Variants in TUT7 observed in about 807,000 individuals in gnomAD.
TUT7 encodes the protein terminal uridylyl transferase 7.
In TUT7, 33 loss-of-function variants were observed where a neutral mutation model predicts 165.9. That is an observed-to-expected ratio of 0.20 (90% CI 0.15 to 0.27). The LOEUF is 0.27. Among genes scored for constraint, TUT7 ranks in the 10% least tolerant of loss-of-function variants. TUT7 has a pLI of 1.00. For missense variants in TUT7, 1,338 were observed against 1,762.3 expected (o/e 0.76, Z 4.31); for synonymous variants, 552 against 608.1 (o/e 0.91, Z 1.36).
chr9:86,297,663 A>G (rs974605420), intron 26 of TUT7, among the ~76,000 whole-genome samples: 2 of 152,122 alleles, frequency 1.3e-5, no homozygotes, highest in African/African-American at 4.8e-5. Context: ...CCACATCTCT[A>G]CAAATCGGGA....
chr9:86,325,386 T>C lies in TUT7; in HGVS notation c.1737A>G (p.Glu579=). Residue 579 remains glutamate (E), a synonymous_variant, in exon 12 of 27, where the codon GAA becomes GAG. Coordinates refer to ENST00000375963, the MANE Select transcript of TUT7 (RefSeq NM_024617.4). ...ADLVISIRVK[E]LVSRELKDWP... is the part of the protein sequence containing the mutation. ...AATCCTTCAATTCCCGAGATACCAA[T>C]TCTTTGACACGAATACTTATCACTA... 2 of 1,614,144 alleles carry C rather than the reference T, an allele frequency of 1.2e-6. No homozygotes were observed. The highest frequency in any genetic ancestry group is 1.7e-6 in the Non-Finnish European group (2 of 1,179,994).
intron 2 of TUT7, among the ~76,000 whole-genome samples, chr9:86,349,963 TAA>T (rs370320833): frequency 4.7e-4 from 72 of 152,308 alleles, no homozygotes; most frequent in African/African-American, 1.7e-3. Context: ...AGAAAACATA[TAA>T]AAGTTTTTGT....
chr9:86,341,280 C>T (rs1447354255), intron 6 of TUT7, among the ~76,000 whole-genome samples: 1 of 152,194 alleles, frequency 6.6e-6, no homozygotes, highest in African/African-American at 2.4e-5. Context: ...CAACTAACTT[C>T]TGATTTAACT....
intron 26 of TUT7, among the ~76,000 whole-genome samples, chr9:86,300,089 C>A (rs1218064986): frequency 6.6e-6 from 1 of 152,098 alleles, no homozygotes; most frequent in African/African-American, 2.4e-5. Context: ...CCTCTTAAAA[C>A]AACAAAAGAA....
intron 12 of TUT7, among the ~76,000 whole-genome samples, chr9:86,324,936 T>C (rs1210733110): frequency 1.3e-5 from 2 of 152,188 alleles, no homozygotes; most frequent in Non-Finnish European, 2.9e-5. Flanking sequence ...GAAAAAGTAT[T>C]GTCCTCACCT....
At chr9:86,326,700 GC>G (rs1829827335) in intron 11 of TUT7, among the ~76,000 whole-genome samples, 1 of 152,152 alleles carries the variant, frequency 6.6e-6, no homozygotes, top group Non-Finnish European at 1.5e-5. Flanking sequence ...AGGAACTGAA[GC>G]CCCACGAGTG....
rs1207412630 is a variant in TUT7, at chr9:86,288,342, A to G, written c.*335T>C. On this transcript the variant is annotated 3_prime_UTR_variant, in exon 27 of 27. Coordinates refer to ENST00000375963, the MANE Select transcript of TUT7 (RefSeq NM_024617.4). ...TAATTTACTTGGGGTTTATCAGCACACCATTTTTAATGTGCTTTGAAAGAA... is the reference window on the plus strand; with the variant it reads ...TAATTTACTTGGGGTTTATCAGCACGCCATTTTTAATGTGCTTTGAAAGAA... 1.2e-5 allele frequency: 2 copies of G among 165,372 alleles called. No homozygotes were observed. The highest frequency in any genetic ancestry group is 2.6e-5 in the Non-Finnish European group (2 of 76,938). 10.2% of individuals were successfully genotyped at this position (165,372 alleles called of 1,614,324 possible).
At chr9:86,305,647 T>C (rs370170976) in intron 22 of TUT7, among the ~76,000 whole-genome samples, 8 of 152,356 alleles carry the variant, frequency 5.3e-5, no homozygotes, top group African/African-American at 1.9e-4. Context: ...ATAGAAGTTA[T>C]AAATACATTT....
chr9:86,328,263 AAGAAGACAAGAC>A (rs760664522), intron 11 of TUT7, 65 bp downstream of exon 11: 19 of 1,364,344 alleles, frequency 1.4e-5, no homozygotes, highest in Non-Finnish European at 1.7e-5. Flanking sequence ...TAGTTAAGGA[AAGAAGACAAGAC>A]TGACTAATCC....
At position 86,314,664 on chromosome 9, in the gene TUT7, C is replaced by T. The variant is rs529753617; in HGVS notation, c.3274+2555G>A. On this transcript the variant is annotated intron_variant, in intron 17 of 26. Transcript: ENST00000375963. The stretch of plus-strand genomic sequence containing the variant: ...CACCAGTGGCACCCTGGCTGAGGTC[C>T]TGCTGCCCTGTTGTCTACATTATAC... 2.6e-5 allele frequency among the ~76,000 whole-genome samples: 4 copies of T among 152,306 alleles called. No individual in the cohort carries two copies. In the South Asian group the frequency reaches 6.2e-4, roughly 24 times the overall value.
Position 86,346,153 on chromosome 9 carries a change from C to A in TUT7, c.702+146G>T, listed in dbSNP as rs925166438. 13 of 697,674 alleles carry A rather than the reference C, an allele frequency of 1.9e-5. No homozygotes were observed. The African/African-American group carries it at 2.2e-4, about 12-fold the overall frequency. The allele number at this position is 697,674 out of a possible 1,614,324, so 43.2% of individuals were successfully genotyped here. On this transcript the variant is annotated intron_variant, in intron 3 of 26. Transcript: ENST00000375963. The stretch of plus-strand genomic sequence containing the variant: ...TGACTCCTAATCCTATTAAATCACA[C>A]TGGACATCACTTTTAACTTGTAGTG...
intron 24 of TUT7, 73 bp from the exon 25 acceptor site, chr9:86,303,274 AAC>A: frequency 1.5e-6 from 1 of 658,538 alleles, no homozygotes; most frequent in Middle Eastern, 2.6e-4. Context: ...CCAGATATTA[AAC>A]AGTTATCTTA....
At chr9:86,293,287 A>C (rs1398152532) in intron 26 of TUT7, among the ~76,000 whole-genome samples, 1 of 152,086 alleles carries the variant, frequency 6.6e-6, no homozygotes, top group African/African-American at 2.4e-5. Context: ...CTGTCTCTAC[A>C]AAAAAATTTT....
intron 11 of TUT7, 136 bp downstream of exon 11, chr9:86,328,204 C>T (rs972099735): frequency 1.8e-5 from 13 of 733,332 alleles, no homozygotes; most frequent in South Asian, 4.5e-5. Context: ...CTTGTCTGTT[C>T]GAGGTACTAA....
chr9:86,323,489 T>G lies in TUT7; in HGVS notation c.2261A>C (p.Lys754Thr). 6.2e-7 allele frequency: 1 copy of G among 1,614,244 alleles called. No homozygotes were observed. The highest frequency in any genetic ancestry group is 1.1e-5 in the South Asian group (1 of 91,084). ...PETGRKNEKE[K>T]VGRKGKHLLT... ...CAGATGCTTGCCCTTCCTTCCAACT[T>G]TCTCTTTCTCGTTTTTCCTTCCTGT... is the stretch of plus-strand genomic sequence containing the variant. Residue 754 changes from lysine (K) to threonine (T), a missense_variant, in exon 13 of 27, where the codon AAA becomes ACA. Lys to Thr is a moderately conservative substitution (Grantham distance 78). Transcript: ENST00000375963.
chr9:86,346,465 C>T lies in TUT7; in HGVS notation c.536G>A (p.Arg179Lys). The change falls in exon 3 of 27, where the codon AGG (arginine) becomes AAG (lysine). Residue 179 changes from arginine to lysine, a missense_variant. Arg to Lys is a conservative substitution (Grantham distance 26). Coordinates refer to ENST00000375963, the MANE Select transcript of TUT7 (RefSeq NM_024617.4). ...EAGSPENKKQ[R>K]SRPRKPRKTR... is the part of the protein sequence containing the mutation. ...CTTCCGTGGCTTCCTAGGTCTGGAC[C>T]TCTGCTTCTTGTTTTCTTAAGGTGG... The T allele has an allele frequency of 6.2e-7, 1 of 1,611,210 alleles. No individual in the cohort carries two copies. Among genetic ancestry groups the T allele is most frequent in the Non-Finnish European group, 8.5e-7 (1 of 1,179,122 alleles).
intron 14 of TUT7, 112 bp from the exon 15 acceptor site, chr9:86,319,782 A>C: frequency 1.4e-6 from 1 of 734,430 alleles, no homozygotes; most frequent in South Asian, 1.7e-5. Flanking sequence ...AAATTTAAAA[A>C]TTCCTAAATC....
intron 22 of TUT7, among the ~76,000 whole-genome samples, chr9:86,306,287 T>C (rs1204397516): frequency 6.6e-6 from 1 of 152,182 alleles, no homozygotes; most frequent in Non-Finnish European, 1.5e-5. Flanking sequence ...GGTATGCTTC[T>C]AGTGAACGGT....
intron 2 of TUT7, among the ~76,000 whole-genome samples, chr9:86,352,048 G>A (rs1832347177): frequency 6.6e-6 from 1 of 151,952 alleles, no homozygotes; most frequent in African/African-American, 2.4e-5. Flanking sequence ...CGAGAAATTA[G>A]TTTTGGTCTT....
Sources: allele counts gnomAD v4.1 joint callset (sites outside exome capture counted in the v4.1 genomes callset), GRCh38; gene constraint gnomAD v4.1.1; transcripts MANE v1.5; gene names NCBI Gene and HGNC (gene_info 2026-07-23, HGNC 2026-07-21).